Variants in NRXN3 observed in about 807,000 individuals in gnomAD.
The protein encoded by NRXN3 is neurexin 3, also known as neurexin III.
A neutral mutation model predicts 137.6 loss-of-function variants in NRXN3; 32 were observed. That is an observed-to-expected ratio of 0.23 (90% CI 0.18 to 0.31). NRXN3 has a LOEUF of 0.31. Among genes scored for constraint, NRXN3 ranks in the 10% least tolerant of loss-of-function variants. NRXN3 has a pLI of 1.00. For missense variants in NRXN3, 1,574 were observed against 2,062.5 expected (o/e 0.76, Z 4.59); for synonymous variants, 798 against 784.5 (o/e 1.02, Z -0.29).
At chr14:78,173,521 GA>G (rs896028047) in intron 1 of NRXN3, among the ~76,000 whole-genome samples, 24 of 151,228 alleles carry the variant, frequency 1.6e-4, no homozygotes, top group African/African-American at 5.8e-4. Flanking sequence ...GTGTGTGTGT[GA>G]AATTTTTTCA....
At chr14:79,053,747 A>C (rs906010835) in intron 15 of NRXN3, among the ~76,000 whole-genome samples, 2 of 151,928 alleles carry the variant, frequency 1.3e-5, no homozygotes, top group Admixed American at 6.6e-5. Context: ...GAAAAGAGTG[A>C]GAGAGAGGCT....
chr14:78,710,523 A>C (rs1293008913), intron 7 of NRXN3, among the ~76,000 whole-genome samples: 1 of 152,052 alleles, frequency 6.6e-6, no homozygotes, highest in Non-Finnish European at 1.5e-5. Flanking sequence ...GCCATTTCAG[A>C]CTCATTTCCT....
intron 16 of NRXN3, among the ~76,000 whole-genome samples, chr14:79,662,168 C>T (rs1352896869): frequency 6.6e-6 from 1 of 152,162 alleles, no homozygotes; most frequent in African/African-American, 2.4e-5. Context: ...ATAAATTACC[C>T]AGTCTCAGGT....
intron 4 of NRXN3, among the ~76,000 whole-genome samples, chr14:78,489,459 G>T (rs190395219): frequency 6.6e-6 from 1 of 152,092 alleles, no homozygotes; most frequent in Non-Finnish European, 1.5e-5. Context: ...GAATGGGAAA[G>T]TATGTTGTAT....
At chr14:78,388,879 TTAATATACCA>T (rs1268057402) in intron 4 of NRXN3, among the ~76,000 whole-genome samples, 1 of 152,078 alleles carries the variant, frequency 6.6e-6, no homozygotes, top group African/African-American at 2.4e-5. Context: ...TTAATTATTA[TTAATATACCA>T]TACTTCAATT....
intron 4 of NRXN3, among the ~76,000 whole-genome samples, chr14:78,552,782 G>T (rs1308134625): frequency 6.6e-6 from 1 of 152,200 alleles, no homozygotes; most frequent in Non-Finnish European, 1.5e-5. Flanking sequence ...ATAAGACCTA[G>T]TGTTAGATCA....
chr14:79,720,047 C>T (rs1190028391), intron 19 of NRXN3, among the ~76,000 whole-genome samples: 1 of 151,944 alleles, frequency 6.6e-6, no homozygotes, highest in East Asian at 1.9e-4. Context: ...TTAGTCTGTT[C>T]TCACACTGCT....
At chr14:79,657,064 CATT>C (rs971638463) in intron 16 of NRXN3, among the ~76,000 whole-genome samples, 79 of 152,024 alleles carry the variant, frequency 5.2e-4, no homozygotes, top group African/African-American at 1.9e-3. Context: ...CCAAACCCAT[CATT>C]AACATATTTT....
intron 15 of NRXN3, among the ~76,000 whole-genome samples, chr14:79,105,756 T>G (rs2052309664): frequency 6.6e-6 from 1 of 152,206 alleles, no homozygotes; most frequent in Non-Finnish European, 1.5e-5. Flanking sequence ...CACAGGTTTC[T>G]AATTATATCT....
In NRXN3 at chr14:79,284,343, C is replaced by CATATATATAT. The variant is rs60596302; in HGVS notation, c.3263-182845_3263-182836dup. Among the ~76,000 whole-genome samples, 534 of 65,048 alleles carry CATATATATAT rather than the reference C, an allele frequency of 8.2e-3. 14 individuals carry two copies. The highest frequency in any genetic ancestry group is 0.011 in the Non-Finnish European group (358 of 33,970). The allele number at this position is 65,048 out of a possible 152,430, so 42.7% of individuals were successfully genotyped here. ...GGAAACCCCGTCTCTACTAAAAATACATATATATATATATATATATATATA... is the reference window on the plus strand; with the variant it reads ...GGAAACCCCGTCTCTACTAAAAATACATATATATATATATATATATATATATATATATATA... On this transcript the variant is annotated intron_variant, in intron 15 of 20. Transcript: ENST00000335750.
chr14:78,363,592 C>T (rs533704071), intron 4 of NRXN3, among the ~76,000 whole-genome samples: 2 of 152,238 alleles, frequency 1.3e-5, no homozygotes, highest in Admixed American at 1.3e-4. Context: ...TGAACTCAGC[C>T]CTGACTTCCA....
chr14:79,718,424 T>C (rs2098830993), intron 19 of NRXN3, among the ~76,000 whole-genome samples: 1 of 152,196 alleles, frequency 6.6e-6, no homozygotes, highest in South Asian at 2.1e-4. Context: ...AAAAGTGCAA[T>C]GGCAAACTAT....
At chr14:78,189,642 A>AGT (rs2060535432) in intron 1 of NRXN3, among the ~76,000 whole-genome samples, 1 of 151,364 alleles carries the variant, frequency 6.6e-6, no homozygotes, top group Non-Finnish European at 1.5e-5. Context: ...GCTGGAGTGC[A>AGT]GTGGTGCAAT....
At chr14:79,750,066 T>G (rs1287872031) in intron 19 of NRXN3, among the ~76,000 whole-genome samples, 1 of 152,126 alleles carries the variant, frequency 6.6e-6, no homozygotes, top group Non-Finnish European at 1.5e-5. Context: ...TTGTCCTTAA[T>G]AGACTGAAGA....
intron 15 of NRXN3, among the ~76,000 whole-genome samples, chr14:79,091,012 G>A (rs756335119): frequency 2.6e-5 from 4 of 151,662 alleles, no homozygotes; most frequent in Admixed American, 6.6e-5. Context: ...TCTGTATTAC[G>A]AGAACTCGTG....
chr14:79,057,904 G>T (rs1343356871), intron 15 of NRXN3, among the ~76,000 whole-genome samples: 1 of 152,138 alleles, frequency 6.6e-6, no homozygotes, highest in Non-Finnish European at 1.5e-5. Flanking sequence ...TTTTCTAGTG[G>T]AGTAGAATTT....
intron 10 of NRXN3, among the ~76,000 whole-genome samples, chr14:78,888,500 T>C (rs2099149918): frequency 6.6e-6 from 1 of 152,020 alleles, no homozygotes; most frequent in Non-Finnish European, 1.5e-5. Flanking sequence ...AAATAGAACT[T>C]TAAAACAAAA....
chr14:79,525,110 T>G (rs141966137), intron 16 of NRXN3, among the ~76,000 whole-genome samples: 1 of 152,230 alleles, frequency 6.6e-6, no homozygotes, highest in African/African-American at 2.4e-5. Flanking sequence ...TATGACTAGC[T>G]TTGAGGAAGA....
chr14:78,613,529 G>A (rs559121867), intron 4 of NRXN3, among the ~76,000 whole-genome samples: 1 of 151,070 alleles, frequency 6.6e-6, no homozygotes, highest in South Asian at 2.1e-4. Context: ...CCAGAGAAAA[G>A]GGGGCACAGA....
Sources: allele counts gnomAD v4.1 joint callset (sites outside exome capture counted in the v4.1 genomes callset), GRCh38; gene constraint gnomAD v4.1.1; transcripts MANE v1.5; gene names NCBI Gene and HGNC (gene_info 2026-07-23, HGNC 2026-07-21).